The following ELFN2 variants were observed in gnomAD, a reference collection of about 807,000 sequenced individuals.
The protein encoded by ELFN2 is extracellular leucine rich repeat and fibronectin type III domain containing 2, also known as protein phosphatase 1 regulatory subunit 29.
In ELFN2, 17 loss-of-function variants were observed where a neutral mutation model predicts 45.5. The observed-to-expected ratio is 0.37, with a 90% CI of 0.26 to 0.56. ELFN2 has a LOEUF of 0.56. Among genes scored for constraint, ELFN2 ranks in the 20% least tolerant of loss-of-function variants. ELFN2 has a pLI of 0.77. For synonymous variants in ELFN2, 550 were observed against 551.5 expected (o/e 1.00, Z 0.04); for missense variants, 922 against 1,183.2 (o/e 0.78, Z 3.24).
intron 2 of ELFN2, among the ~76,000 whole-genome samples, chr22:37,405,841 G>T (rs548088533): frequency 6.8e-6 from 1 of 146,858 alleles, no homozygotes; most frequent in Non-Finnish European, 1.5e-5. Flanking sequence ...AAAGGGTGGA[G>T]GGGGGGTGGT....
chr22:37,374,818 G>A lies in ELFN2; in HGVS notation c.717C>T (p.Thr239=), dbSNP rs767614309. 6.7e-5 allele frequency: 107 copies of A among 1,607,228 alleles called. No individual in the cohort carries two copies. Among genetic ancestry groups the A allele is most frequent in the Non-Finnish European group, 8.4e-5 (99 of 1,179,792 alleles). Residue 239 remains threonine, a synonymous_variant, in exon 3 of 3, where the codon ACC becomes ACT. Coordinates refer to ENST00000402918, the MANE Select transcript of ELFN2 (RefSeq NM_052906.5). ...CATTCCGACACTTGGCCTGGAGTAC[G>A]GTGATGGCGTTGAGGCTGTGGTAGG... ...PRPYHSLNAI[T]VLQAKCRNGS... is the part of the protein sequence containing the mutation.
intron 2 of ELFN2, chr22:37,385,123 T>G (rs970020219): frequency 6.6e-6 from 1 of 152,238 alleles, no homozygotes; most frequent in African/African-American, 2.4e-5. Flanking sequence ...GAGGCTCCAG[T>G]GTCGGACAGC....
In ELFN2 at chr22:37,348,803, C is replaced by T. The variant is rs764467130; in HGVS notation, n.149-6100G>A. ...GGTGGGAGAGGACATGGAGGTCAGC[C>T]GGACGCTGCCAGCAGGGCAGCAGAG... On this transcript the variant is annotated intron_variant and non_coding_transcript_variant, in intron 1 of 2. Coordinates refer to ENST00000452946, the Ensembl canonical transcript of ELFN2. Among the ~76,000 whole-genome samples, 14 of 150,420 alleles carry T rather than the reference C, an allele frequency of 9.3e-5. 1 individual carries two copies. The highest frequency in any genetic ancestry group is 1.9e-4 in the Non-Finnish European group (13 of 67,034).
chr22:37,418,112 G>A (rs1037348968), intron 1 of ELFN2, among the ~76,000 whole-genome samples, 193 bp from the exon 2 acceptor site: 10 of 152,166 alleles, frequency 6.6e-5, no homozygotes, highest in African/African-American at 1.4e-4. Flanking sequence ...GAGGTAAAGG[G>A]AGAGGAGGAA....
At chr22:37,367,327 A>G (rs765441008), downstream of ELFN2, among the ~76,000 whole-genome samples, 16 of 152,208 alleles carry the variant, frequency 1.1e-4, no homozygotes, top group Admixed American at 3.9e-4. Flanking sequence ...AAATCTGAGA[A>G]GCAGCAGAAG....
In ELFN2 at chr22:37,372,739, T is replaced by A; in HGVS notation, c.*333A>T. Reference sequence around the variant, plus strand: ...CAGACCCCCCAGACCCCACACCCTCTCTTGGCTTCCTTCCTCCCCCCGCCA... The same window carrying A: ...CAGACCCCCCAGACCCCACACCCTCACTTGGCTTCCTTCCTCCCCCCGCCA... On this transcript the variant is annotated 3_prime_UTR_variant, in exon 3 of 3. Coordinates refer to ENST00000402918, the MANE Select transcript of ELFN2 (RefSeq NM_052906.5). The surrounding 1 kb of genome is among the most constrained non-coding windows in gnomAD (Gnocchi z 4.4). The A allele has an allele frequency of 5.7e-6, 1 of 174,918 alleles. No homozygotes were observed. Among genetic ancestry groups the A allele is most frequent in the Non-Finnish European group, 1.1e-5 (1 of 88,336 alleles). 10.8% of individuals were successfully genotyped at this position (174,918 alleles called of 1,614,324 possible).
At chr22:37,411,286 G>A (rs1251602314) in intron 2 of ELFN2, among the ~76,000 whole-genome samples, 4 of 152,160 alleles carry the variant, frequency 2.6e-5, no homozygotes, top group East Asian at 1.9e-4. Context: ...AGTGTCTAGC[G>A]GGGCAGCAAA....
At chr22:37,365,919 G>A (rs1227116727), downstream of ELFN2, among the ~76,000 whole-genome samples, 4 of 132,348 alleles carry the variant, frequency 3.0e-5, no homozygotes, top group South Asian at 2.5e-4. Flanking sequence ...CACGTGTAGC[G>A]TTTCAGGTAT....
intron 1 of ELFN2, among the ~76,000 whole-genome samples, chr22:37,351,540 A>G (rs1372582784): frequency 6.7e-6 from 1 of 149,742 alleles, no homozygotes; most frequent in Non-Finnish European, 1.5e-5. Context: ...TCACTGCCCC[A>G]AAACTCCTCT....
At chr22:37,421,149 C>G (rs1248155059) in intron 1 of ELFN2, among the ~76,000 whole-genome samples, 1 of 152,152 alleles carries the variant, frequency 6.6e-6, no homozygotes, top group Admixed American at 6.5e-5. Context: ...CATGGATGGT[C>G]CCGTGTGGTT....
chr22:37,372,782 A>C lies in ELFN2; in HGVS notation c.*290T>G. The C allele has an allele frequency of 4.9e-6, 1 of 202,084 alleles. No homozygotes were observed. Among genetic ancestry groups the C allele is most frequent in the Non-Finnish European group, 9.4e-6 (1 of 106,350 alleles). 12.5% of individuals were successfully genotyped at this position (202,084 alleles called of 1,614,324 possible). ...CCCCGCCAGCCCCCCGGCCCTGCAC[A>C]CCCCAGCAGAGTCCCTGGGCAGCAC... On this transcript the variant is annotated 3_prime_UTR_variant, in exon 3 of 3. Coordinates refer to ENST00000402918, the MANE Select transcript of ELFN2 (RefSeq NM_052906.5). This position sits in a 1 kb window ranked among gnomAD's most constrained non-coding sequence, Gnocchi z 4.4.
chr22:37,389,062 G>C (rs1932030184), intron 2 of ELFN2, among the ~76,000 whole-genome samples: 1 of 152,176 alleles, frequency 6.6e-6, no homozygotes, highest in Non-Finnish European at 1.5e-5. Context: ...CTCAGAGCTT[G>C]GCGTCCTCCT....
Position 37,373,873 on chromosome 22 carries a change from A to G in ELFN2, c.1662T>C (p.Ala554=), listed in dbSNP as rs1235721035. The G allele has an allele frequency of 1.2e-6, 2 of 1,613,248 alleles. No homozygotes were observed. Among genetic ancestry groups the G allele is most frequent in the African/African-American group, 2.7e-5 (2 of 74,922 alleles). The change falls in exon 3 of 3, where the codon GCT becomes GCC. Residue 554 remains alanine (A), a synonymous_variant. Coordinates refer to ENST00000402918, the MANE Select transcript of ELFN2 (RefSeq NM_052906.5). The stretch of plus-strand genomic sequence containing the variant: ...GAAAAGAGGCCGAGTCCAGCTTGAG[A>G]GCATCGATGCAGTTGTTAATGATCT... ...VNQIINNCID[A]LKLDSASFLG...
chr22:37,361,473 C>T (rs778324652), intron 1 of ELFN2, among the ~76,000 whole-genome samples: 56 of 152,120 alleles, frequency 3.7e-4, no homozygotes, highest in Admixed American at 7.2e-4. Context: ...CCCCAGTCCC[C>T]GCAGGGTCGT....
At chr22:37,421,319 C>T (rs974464274) in intron 1 of ELFN2, among the ~76,000 whole-genome samples, 5 of 152,226 alleles carry the variant, frequency 3.3e-5, no homozygotes, top group African/African-American at 1.2e-4. Context: ...AACAAGATAA[C>T]AGAGAGCGCC....
At chr22:37,386,675 G>C (rs1569136174) in intron 2 of ELFN2, among the ~76,000 whole-genome samples, 2 of 152,174 alleles carry the variant, frequency 1.3e-5, no homozygotes, top group Non-Finnish European at 2.9e-5. Context: ...GGTGCAGAGG[G>C]GTCGACATCG....
intron 1 of ELFN2, among the ~76,000 whole-genome samples, chr22:37,344,854 G>C (rs1820105053): frequency 6.6e-6 from 1 of 152,158 alleles, no homozygotes; most frequent in South Asian, 2.1e-4. Flanking sequence ...TGCGCAGGGG[G>C]CGCTGAGGGG....
intron 2 of ELFN2, among the ~76,000 whole-genome samples, chr22:37,387,993 C>G (rs1468209135): frequency 6.6e-6 from 1 of 151,766 alleles, no homozygotes; most frequent in African/African-American, 2.4e-5. Context: ...TTCCCAGACA[C>G]AGTGAGAGGC....
rs544858839 is a variant in ELFN2, at chr22:37,373,468, G to C, written c.2067C>G (p.Gly689=). Residue 689 remains glycine, a synonymous_variant, in exon 3 of 3, where the codon GGC becomes GGG. Transcript: ENST00000402918. ...CCAGGTGGTGGATGCCCCCGCCCCC[G>C]CCGCTGCCCCCGCCGCTGCCCGCCG... ...LVPAGSGGGS[G]GGGGIHHLEV... is the part of the protein sequence containing the mutation. 5 of 1,532,852 alleles carry C rather than the reference G, an allele frequency of 3.3e-6. No homozygotes were observed. The South Asian group carries it at 4.8e-5, about 15-fold the overall frequency. The allele number at this position is 1,532,852 out of a possible 1,614,324, so 95.0% of individuals were successfully genotyped here.
Sources: gnomAD v4.1 joint callset for allele counts (sites outside exome capture counted in the v4.1 genomes callset) on GRCh38, gnomAD v4.1.1 for gene constraint, Gnocchi (gnomAD v3.1) non-coding constraint, MANE v1.5 for transcripts, NCBI Gene and HGNC (gene_info 2026-07-23, HGNC 2026-07-21) for gene names.